The following SRRM3 variants were observed in gnomAD, a reference collection of about 807,000 sequenced individuals.
The protein encoded by SRRM3 is serine/arginine repetitive matrix protein 3.
A neutral mutation model predicts 66.2 loss-of-function variants in SRRM3; 27 were observed. The observed-to-expected ratio is 0.41, with a 90% CI of 0.30 to 0.56. The LOEUF (loss-of-function observed/expected upper bound fraction) is 0.56. Ranked by LOEUF, SRRM3 falls within the 20% of genes least tolerant of loss-of-function variation. The probability of loss-of-function intolerance (pLI) is 0.32; values close to 1 mark genes in which losing one functional copy is unlikely to be tolerated. For synonymous variants in SRRM3, 391 were observed against 414.9 expected (o/e 0.94, Z 0.70); for missense variants, 918 against 991.9 (o/e 0.93, Z 1.00).
chr7:76,278,055 G>A (rs1484727821), intron 11 of SRRM3, among the ~76,000 whole-genome samples: 1 of 152,174 alleles, frequency 6.6e-6, no homozygotes, highest in Non-Finnish European at 1.5e-5. Flanking sequence ...TTTGCCTCCT[G>A]TTGAGGGAAA....
chr7:76,217,280 C>CTTTTG (rs1289074732), intron 1 of SRRM3, among the ~76,000 whole-genome samples: 5 of 152,160 alleles, frequency 3.3e-5, no homozygotes, highest in East Asian at 1.9e-4. Flanking sequence ...GCAAATGCAG[C>CTTTTG]TTTTGTTTTG....
chr7:76,286,124 C>A lies in SRRM3; in HGVS notation c.*281C>A. 1.9e-6 allele frequency: 1 copy of A among 521,818 alleles called. No individual in the cohort carries two copies. The highest frequency in any genetic ancestry group is 3.5e-6 in the Non-Finnish European group (1 of 284,100). The allele number at this position is 521,818 out of a possible 1,614,324, so 32.3% of individuals were successfully genotyped here. ...GCCGTTACGAACACAGGAATCTCCC[C>A]ATCCCCCTTCCTGCTGATGCCAACT... On this transcript the variant is annotated 3_prime_UTR_variant, in exon 15 of 15. Transcript: ENST00000611745.
At chr7:76,229,423 C>T (rs1364507575) in intron 1 of SRRM3, among the ~76,000 whole-genome samples, 3 of 152,168 alleles carry the variant, frequency 2.0e-5, no homozygotes, top group Admixed American at 6.6e-5. Flanking sequence ...GCCTCTCAGT[C>T]GATTCAGCCA....
intron 1 of SRRM3, among the ~76,000 whole-genome samples, chr7:76,205,188 T>TTCTC (rs368530693): frequency 9.2e-4 from 138 of 149,652 alleles, no homozygotes; most frequent in African/African-American, 3.2e-3. Flanking sequence ...CTTGCCTCCT[T>TTCTC]TCTCTCTCTC....
chr7:76,272,496 A>C (rs1802237991), intron 11 of SRRM3, among the ~76,000 whole-genome samples: 1 of 152,086 alleles, frequency 6.6e-6, no homozygotes, highest in South Asian at 2.1e-4. Context: ...TGAGCCCAGG[A>C]GTTGGAGGCT....
chr7:76,252,501 T>C (rs991230783), intron 3 of SRRM3, among the ~76,000 whole-genome samples: 1 of 152,176 alleles, frequency 6.6e-6, no homozygotes, highest in Non-Finnish European at 1.5e-5. Context: ...TTTGTATTTT[T>C]AGTAGAGATG....
chr7:76,254,783 T>G (rs1425442797), intron 3 of SRRM3, among the ~76,000 whole-genome samples: 1 of 152,110 alleles, frequency 6.6e-6, no homozygotes, highest in Non-Finnish European at 1.5e-5. Context: ...AGGACCTGTG[T>G]AGGGGTAATG....
chr7:76,258,141 C>A (rs1801758334), intron 3 of SRRM3, among the ~76,000 whole-genome samples: 1 of 152,164 alleles, frequency 6.6e-6, no homozygotes, highest in Non-Finnish European at 1.5e-5. Flanking sequence ...GTATTGGAGG[C>A]CCCCACCCTC....
chr7:76,230,083 G>A (rs908901893), intron 1 of SRRM3, among the ~76,000 whole-genome samples: 6 of 152,104 alleles, frequency 3.9e-5, no homozygotes, highest in African/African-American at 1.4e-4. Context: ...TCCGGCTACT[G>A]AGTCCTTTTA....
At chr7:76,213,258 G>C (rs193081893) in intron 1 of SRRM3, among the ~76,000 whole-genome samples, 1 of 151,506 alleles carries the variant, frequency 6.6e-6, no homozygotes, top group African/African-American at 2.4e-5. Context: ...CAATCCACCC[G>C]CCTCAGCCTC....
At chr7:76,269,679 G>A (rs1365127323) in intron 11 of SRRM3, 1 of 151,700 alleles carries the variant, frequency 6.6e-6, no homozygotes, top group Non-Finnish European at 1.5e-5. Flanking sequence ...TCCATTTCTT[G>A]TTTAGCTGGT....
intron 1 of SRRM3, among the ~76,000 whole-genome samples, chr7:76,216,068 A>C (rs1800563597): frequency 6.6e-6 from 1 of 151,692 alleles, no homozygotes; most frequent in Non-Finnish European, 1.5e-5. Context: ...TGGCCTCCCA[A>C]AGTGCTGGGA....
rs1802582406 is a variant in SRRM3, at chr7:76,283,398, T to C, written c.1733+297T>C. 3 of 543,140 alleles carry C rather than the reference T, an allele frequency of 5.5e-6. No homozygotes were observed. The South Asian group carries it at 5.5e-5, about 10-fold the overall frequency. The allele number at this position is 543,140 out of a possible 1,614,324, so 33.6% of individuals were successfully genotyped here. Reference sequence around the variant, plus strand: ...AAGGGGAGGGGGCTCTGTACTTGGGTCTGGGTGGGCCGCAGCCGGCATGGA... The same window carrying C: ...AAGGGGAGGGGGCTCTGTACTTGGGCCTGGGTGGGCCGCAGCCGGCATGGA... On this transcript the variant is annotated intron_variant, in intron 14 of 14. Transcript: ENST00000611745.
intron 11 of SRRM3, among the ~76,000 whole-genome samples, chr7:76,271,875 A>G (rs1554610555): frequency 2.0e-5 from 3 of 152,216 alleles, no homozygotes; most frequent in Admixed American, 6.5e-5. Flanking sequence ...GTCTGCCTAC[A>G]CTGAGAGACC....
chr7:76,245,048 G>A (rs1454267717), intron 2 of SRRM3, among the ~76,000 whole-genome samples: 6 of 152,218 alleles, frequency 3.9e-5, no homozygotes, highest in African/African-American at 7.2e-5. Flanking sequence ...GAGTTGGGAT[G>A]TATGGGTTGC....
In SRRM3 at chr7:76,225,935, C is replaced by T. The variant is rs183660356; in HGVS notation, c.-39-9093C>T. On this transcript the variant is annotated intron_variant, in intron 1 of 14. Coordinates refer to ENST00000611745, the MANE Select transcript of SRRM3 (RefSeq NM_001110199.3). ...TCAGCTTATGAATTCCCAAAGATCA[C>T]TCTCCTGTCTCCCTCTCAAATCAGG... is the stretch of plus-strand genomic sequence containing the variant. Among the ~76,000 whole-genome samples, 17 of 152,268 alleles carry T rather than the reference C, an allele frequency of 1.1e-4. No homozygotes were observed. The East Asian group carries it at 3.3e-3, about 29-fold the overall frequency.
chr7:76,245,948 T>C (rs1801430219), intron 2 of SRRM3, among the ~76,000 whole-genome samples: 1 of 152,108 alleles, frequency 6.6e-6, no homozygotes, highest in African/African-American at 2.4e-5. Context: ...TCTGCCCACC[T>C]CAGCCTCCCA....
In SRRM3 at chr7:76,285,096, C is replaced by T. The variant is rs975568275; in HGVS notation, c.1734-519C>T. 3.3e-5 allele frequency among the ~76,000 whole-genome samples: 5 copies of T among 152,056 alleles called. No homozygotes were observed. Among genetic ancestry groups the T allele is most frequent in the Non-Finnish European group, 7.4e-5 (5 of 68,006 alleles). ...TTTTTTTTTTTGAGACGGAGTCTCA[C>T]TCTGTCACCCAGGCTGGAGTGCAGT... On this transcript the variant is annotated intron_variant, in intron 14 of 14. Transcript: ENST00000611745. This position sits in a 1 kb window ranked among gnomAD's most constrained non-coding sequence, Gnocchi z 4.1.
chr7:76,284,723 C>A (rs782803223), intron 14 of SRRM3, among the ~76,000 whole-genome samples: 13 of 152,230 alleles, frequency 8.5e-5, no homozygotes, highest in Non-Finnish European at 1.8e-4. Context: ...CTAACGTACA[C>A]CTGTTTTCTT....
Sources: allele counts gnomAD v4.1 joint callset (sites outside exome capture counted in the v4.1 genomes callset), GRCh38; gene constraint gnomAD v4.1.1; non-coding constraint Gnocchi (gnomAD v3.1); transcripts MANE v1.5; gene names NCBI Gene and HGNC (gene_info 2026-07-23, HGNC 2026-07-21).